The following FANCA variants were observed in gnomAD, a reference collection of about 807,000 sequenced individuals.
FANCA encodes Fanconi anemia group A protein.
A neutral mutation model predicts 194.3 loss-of-function variants in FANCA; 236 were observed. The ratio of observed to expected loss-of-function variants is 1.21; its 90% CI spans 1.09 to 1.35. FANCA has a LOEUF of 1.35. Among genes scored for constraint, FANCA ranks in the 40% most tolerant of loss-of-function variants. The pLI is 0.00. For synonymous variants in FANCA, 1,014 were observed against 715.8 expected, an observed-to-expected ratio of 1.42 and a Z score of -6.65; for missense variants, 2,628 against 1,813.9, an observed-to-expected ratio of 1.45 and a Z score of -8.15.
chr16:89,738,364 G>A lies in FANCA; in HGVS notation c.*237C>T. The A allele has an allele frequency of 6.9e-7, 1 of 1,455,620 alleles. No homozygotes were observed. The highest frequency in any genetic ancestry group is 1.3e-5 in the South Asian group (1 of 74,566). 90.2% of individuals were successfully genotyped at this position (1,455,620 alleles called of 1,614,324 possible). A position where few individuals can be genotyped will look rare whatever the true frequency, so the allele number is the denominator to read the frequency against. ...GAGGGTGCTGCCCGCCCTTGGTGCT[G>A]GAGGCGGGCTTGGTGTCCGGCTCAA... On this transcript the variant is annotated 3_prime_UTR_variant, in exon 43 of 43. Transcript: ENST00000389301.
chr16:89,774,123 C>T (rs1346463213), intron 21 of FANCA, among the ~76,000 whole-genome samples: 1 of 152,080 alleles, frequency 6.6e-6, no homozygotes, highest in Non-Finnish European at 1.5e-5. Flanking sequence ...AAGTAAAAAA[C>T]CTTCAAGTTC....
At chr16:89,811,914 T>C (rs1449781000) in intron 3 of FANCA, among the ~76,000 whole-genome samples, 1 of 151,616 alleles carries the variant, frequency 6.6e-6, no homozygotes. Context: ...GTATTTTTAG[T>C]AGAGATGGGG....
In FANCA at chr16:89,748,571, G is replaced by A; in HGVS notation, c.3348+88C>T. On this transcript the variant is annotated intron_variant, in intron 33 of 42. Transcript: ENST00000389301. The stretch of plus-strand genomic sequence containing the variant: ...AACCCTTTCCTCAGTAATTCACACG[G>A]TCAGTACACGCATGGAGGCTGCAAG... 4 of 1,005,016 alleles carry A rather than the reference G, an allele frequency of 4.0e-6. No homozygotes were observed. The Admixed American group carries it at 5.7e-5, about 14-fold the overall frequency. 62.3% of individuals were successfully genotyped at this position (1,005,016 alleles called of 1,614,324 possible). A position where few individuals can be genotyped will look rare whatever the true frequency, so the allele number is the denominator to read the frequency against.
At chr16:89,746,483 G>C in intron 35 of FANCA, 101 bp downstream of exon 35, 1 of 937,994 alleles carries the variant, frequency 1.1e-6, no homozygotes, top group Non-Finnish European at 1.7e-6. Flanking sequence ...CCCTGAGATG[G>C]TAACACCCGT....
rs17227396 is a variant in FANCA at position 89,739,264 on chromosome 16, C to T, written c.4036G>A (p.Ala1346Thr). 2.3e-3 allele frequency: 3,720 copies of T among 1,614,124 alleles called. 104 individuals carry two copies. The South Asian group carries it at 0.037, about 16-fold the overall frequency. Residue 1346 changes from alanine (A) to threonine (T), a missense_variant, in exon 41 of 43, where the codon GCG (alanine) becomes ACG (threonine). Physicochemically the swap from Ala to Thr is moderately conservative, Grantham distance 58. Coordinates refer to ENST00000389301, the MANE Select transcript of FANCA (RefSeq NM_000135.4). ...AGGAAGGCCTCTTCCCTGATGGCCG[C>T]GTCTTCATGGAAGTAGGAGAGAAGA... ...YSLLSYFHED[A>T]AIREEAFLHV...
Position 89,740,874 on chromosome 16 carries a change from TAAA to T in FANCA, c.3766-11_3766-9del. The T allele has an allele frequency of 6.2e-7, 1 of 1,609,958 alleles. No homozygotes were observed. Among genetic ancestry groups the T allele is most frequent in the Non-Finnish European group, 8.5e-7 (1 of 1,177,374 alleles). ...GAAAAGGAAAACCAATAGCTGTAAA[TAAA>T]AACGTGCACTTATTATTACATTAAA... On this transcript the variant is annotated splice_polypyrimidine_tract_variant and intron_variant, in intron 37 of 42. Transcript: ENST00000389301.
chr16:89,775,345 T>C (rs1430443934), intron 21 of FANCA, among the ~76,000 whole-genome samples: 6 of 152,170 alleles, frequency 3.9e-5, no homozygotes, highest in Non-Finnish European at 7.4e-5. Context: ...CTACCTGCAC[T>C]GTGCAACAGA....
rs1045456322 is a variant in FANCA at position 89,796,145 on chromosome 16, G to A, written c.894-127C>T. 11 of 748,054 alleles carry A rather than the reference G, an allele frequency of 1.5e-5. No individual in the cohort carries two copies. The Admixed American group carries it at 2.2e-4, about 15-fold the overall frequency. The allele number at this position is 748,054 out of a possible 1,614,324, so 46.3% of individuals were successfully genotyped here. Reference sequence around the variant, plus strand: ...GCAAGGAAGGGGCTTTCTTGGCCAGGCCACTATAACCACAGACTTGAAACT... The same window carrying A: ...GCAAGGAAGGGGCTTTCTTGGCCAGACCACTATAACCACAGACTTGAAACT... On this transcript the variant is annotated intron_variant, in intron 10 of 42. Transcript: ENST00000389301.
intron 31 of FANCA, among the ~76,000 whole-genome samples, chr16:89,750,772 G>GACAAA (rs945967968): frequency 6.6e-6 from 1 of 151,704 alleles, no homozygotes; most frequent in Admixed American, 6.6e-5. Flanking sequence ...AAAACAAACA[G>GACAAA]ACAAAACAAA....
chr16:89,749,391 T>G (rs8044026), intron 32 of FANCA, among the ~76,000 whole-genome samples: 1 of 151,804 alleles, frequency 6.6e-6, no homozygotes, highest in East Asian at 1.9e-4. Context: ...TTTTTTTGTA[T>G]TTTTTTTGTA....
Position 89,806,115 on chromosome 16 carries a change from G to A in FANCA, c.597-723C>T, listed in dbSNP as rs200700590. On this transcript the variant is annotated intron_variant, in intron 6 of 42. Coordinates refer to ENST00000389301, the MANE Select transcript of FANCA (RefSeq NM_000135.4). ...TTTAGTAGAGACAGGGTTTCACCAC[G>A]TTGGACAGGCTGGTCTTGAACTCCT... 2.2e-4 allele frequency among the ~76,000 whole-genome samples: 34 copies of A among 152,048 alleles called. 1 individual carries two copies. The highest frequency in any genetic ancestry group is 1.9e-3 in the East Asian group (10 of 5,138).
At chr16:89,744,738 A>T in intron 36 of FANCA, 1 of 593,430 alleles carries the variant, frequency 1.7e-6, no homozygotes, top group Non-Finnish European at 3.1e-6. Context: ...CTCACTGGAA[A>T]CTCCACCTCC....
intron 20 of FANCA, among the ~76,000 whole-genome samples, chr16:89,777,184 T>C (rs1398222610): frequency 2.0e-5 from 3 of 150,568 alleles, no homozygotes; most frequent in Non-Finnish European, 3.0e-5. Flanking sequence ...TAGACCCTGC[T>C]ACTTGGGAGG....
intron 6 of FANCA, among the ~76,000 whole-genome samples, chr16:89,806,224 C>T (rs1047882076): frequency 2.5e-4 from 38 of 152,142 alleles, no homozygotes; most frequent in Admixed American, 6.5e-5. Context: ...TGGCCTGAAC[C>T]TTATGCTGTA....
intron 10 of FANCA, chr16:89,798,447 G>T: frequency 9.2e-7 from 1 of 1,089,568 alleles, no homozygotes; most frequent in Non-Finnish European, 1.1e-6. Context: ...TTACTGTGAG[G>T]GATGGGAAAT....
In FANCA at chr16:89,739,535, A is replaced by C. The variant is rs1439125894; in HGVS notation, c.3953T>G (p.Leu1318Arg). The part of the protein sequence containing the change: ...LTESDLRLGR[L>R]LLRVAPDQHT... The stretch of plus-strand genomic sequence containing the variant: ...CTGATCCGGGGCCACACGGAGGAGG[A>C]GCCGCCCCAGCCTGAGGTCTGCAAC... Residue 1318 changes from leucine to arginine, a missense_variant, in exon 40 of 43, where the codon CTC becomes CGC. Transcript: ENST00000389301. 3.9e-6 allele frequency: 6 copies of C among 1,551,148 alleles called. No homozygotes were observed. Among genetic ancestry groups the C allele is most frequent in the African/African-American group, 1.4e-5 (1 of 73,040 alleles).
intron 3 of FANCA, among the ~76,000 whole-genome samples, chr16:89,812,903 G>A (rs1046535297): frequency 6.6e-6 from 1 of 150,784 alleles, no homozygotes; most frequent in East Asian, 2.0e-4. Flanking sequence ...TGCGGCGGCG[G>A]GCACCTATAA....
At chr16:89,759,710 G>A (rs76221962) in intron 29 of FANCA, among the ~76,000 whole-genome samples, 3 of 152,196 alleles carry the variant, frequency 2.0e-5, no homozygotes, top group African/African-American at 4.8e-5. Context: ...GCCGTGAGCC[G>A]TGAGTGCATC....
intron 8 of FANCA, among the ~76,000 whole-genome samples, chr16:89,800,101 G>T (rs933796004): frequency 2.0e-5 from 3 of 152,364 alleles, no homozygotes; most frequent in South Asian, 2.1e-4. Flanking sequence ...TGAAAAGGCT[G>T]AACTTTCTGG....
Sources: gnomAD v4.1 joint callset for allele counts (sites outside exome capture counted in the v4.1 genomes callset) on GRCh38, gnomAD v4.1.1 for gene constraint, MANE v1.5 for transcripts, NCBI Gene and HGNC (gene_info 2026-07-23, HGNC 2026-07-21) for gene names.